The following CDH4 variants were observed in gnomAD, a reference collection of about 807,000 sequenced individuals.
CDH4 encodes cadherin-4.
In CDH4, 33 loss-of-function variants were observed where a neutral mutation model predicts 86.0. That is an observed-to-expected ratio of 0.38 (90% CI 0.29 to 0.51). The LOEUF (loss-of-function observed/expected upper bound fraction) is 0.51, where lower values mean the gene tolerates loss of function less well. CDH4 is among the 20% of genes least tolerant of loss of function. The pLI, the probability that CDH4 is intolerant of heterozygous loss-of-function variation, is 0.86. For synonymous variants in CDH4, 555 were observed against 549.4 expected (o/e 1.01, Z -0.14); for missense variants, 1,114 against 1,307.4 (o/e 0.85, Z 2.28).
At chr20:61,425,432 C>CCA (rs1210603827) in intron 2 of CDH4, among the ~76,000 whole-genome samples, 7 of 152,128 alleles carry the variant, frequency 4.6e-5, no homozygotes, top group African/African-American at 1.7e-4. Flanking sequence ...CTGGGACTGG[C>CCA]TCCTGTCTGA....
intron 2 of CDH4, chr20:61,718,518 C>T (rs1048259393): frequency 2.2e-5 from 7 of 322,176 alleles, no homozygotes; most frequent in Non-Finnish European, 4.3e-5. Flanking sequence ...TCCCATATCC[C>T]AGGCCGTGCT....
intron 2 of CDH4, among the ~76,000 whole-genome samples, chr20:61,618,303 C>A (rs2086742289): frequency 6.6e-6 from 1 of 152,088 alleles, no homozygotes; most frequent in African/African-American, 2.4e-5. Flanking sequence ...GGAGTCTGGC[C>A]TCCCATCCCA....
chr20:61,432,833 A>ATTTT (rs36067606), intron 2 of CDH4, among the ~76,000 whole-genome samples: 1,997 of 101,644 alleles, frequency 0.02, 39 homozygotes, highest in Non-Finnish European at 0.032. Flanking sequence ...TAAATCCATG[A>ATTTT]TTTTTTTTTT....
intron 2 of CDH4, among the ~76,000 whole-genome samples, chr20:61,335,952 A>G (rs1400471211): frequency 1.3e-5 from 2 of 152,094 alleles, no homozygotes; most frequent in Non-Finnish European, 2.9e-5. Flanking sequence ...GTGGTTTTTT[A>G]ATGATGAAAG....
chr20:61,300,429 G>T (rs531588637), intron 2 of CDH4, among the ~76,000 whole-genome samples: 1 of 152,246 alleles, frequency 6.6e-6, no homozygotes, highest in South Asian at 2.1e-4. Context: ...CCGGCACAGG[G>T]CACTCTCTGC....
chr20:61,905,995 A>G (rs1259393248), intron 8 of CDH4, among the ~76,000 whole-genome samples: 1 of 152,094 alleles, frequency 6.6e-6, no homozygotes, highest in Non-Finnish European at 1.5e-5. Context: ...TGCTTCCTCC[A>G]GCCGGCTTTG....
At chr20:61,334,139 C>A (rs964575405) in intron 2 of CDH4, among the ~76,000 whole-genome samples, 1 of 152,198 alleles carries the variant, frequency 6.6e-6, no homozygotes, top group Non-Finnish European at 1.5e-5. Flanking sequence ...TGGGCCACCC[C>A]CTCTGAGGGC....
intron 2 of CDH4, among the ~76,000 whole-genome samples, chr20:61,404,987 T>A (rs1207300245): frequency 6.6e-6 from 1 of 152,092 alleles, no homozygotes; most frequent in African/African-American, 2.4e-5. Context: ...GAGGCGGAGG[T>A]TGCAGTGAGC....
At chr20:61,924,213 C>T in intron 10 of CDH4, 121 bp from the exon 11 acceptor site, 2 of 1,015,378 alleles carry the variant, frequency 2.0e-6, no homozygotes, top group East Asian at 2.5e-5. Flanking sequence ...TGGGGGGCTC[C>T]AAGGAGACAG....
chr20:61,766,297 G>T (rs1261664006), intron 3 of CDH4, among the ~76,000 whole-genome samples: 1 of 152,054 alleles, frequency 6.6e-6, no homozygotes, highest in African/African-American at 2.4e-5. Context: ...GGAATATAAG[G>T]GTTGTGGGAC....
At chr20:61,748,803 T>A (rs1023539721) in intron 3 of CDH4, among the ~76,000 whole-genome samples, 1 of 151,652 alleles carries the variant, frequency 6.6e-6, no homozygotes, top group Non-Finnish European at 1.5e-5. Flanking sequence ...AGAAAATCAC[T>A]AAAAGAGTCA....
At chr20:61,918,908 T>C (rs1054311354) in intron 9 of CDH4, among the ~76,000 whole-genome samples, 2 of 152,220 alleles carry the variant, frequency 1.3e-5, no homozygotes, top group African/African-American at 2.4e-5. Context: ...TCTTACTCTG[T>C]TGCCCAGGCT....
chr20:61,330,018 T>G (rs1202149701), intron 2 of CDH4, among the ~76,000 whole-genome samples: 1 of 152,184 alleles, frequency 6.6e-6, no homozygotes, highest in Non-Finnish European at 1.5e-5. Flanking sequence ...GACATGATCT[T>G]GTTCCTTTTT....
chr20:61,694,638 A>C lies in CDH4; in HGVS notation c.170-48925A>C, dbSNP rs189143258. ...CTGGGGTTCTGGGATAGAAGTAAAA[A>C]CTCCTAAAAACAGGCACCTCCAGGA... On this transcript the variant is annotated intron_variant, in intron 2 of 15. Coordinates refer to ENST00000614565, the MANE Select transcript of CDH4 (RefSeq NM_001794.5). 1.0e-3 allele frequency among the ~76,000 whole-genome samples: 152 copies of C among 151,748 alleles called. 1 individual carries two copies. Among genetic ancestry groups the C allele is most frequent in the African/African-American group, 3.6e-3 (149 of 41,320 alleles).
chr20:61,812,013 G>A (rs1408543503), intron 4 of CDH4, among the ~76,000 whole-genome samples: 1 of 152,026 alleles, frequency 6.6e-6, no homozygotes, highest in Admixed American at 6.5e-5. Context: ...TTGGGTTTGA[G>A]GCCCTGTGTG....
intron 2 of CDH4, among the ~76,000 whole-genome samples, chr20:61,469,351 A>T (rs1389602565): frequency 1.3e-5 from 2 of 152,208 alleles, no homozygotes; most frequent in Non-Finnish European, 2.9e-5. Context: ...TGCCATTTGT[A>T]CATCATCTTT....
intron 2 of CDH4, among the ~76,000 whole-genome samples, chr20:61,724,546 T>C (rs1382302083): frequency 6.6e-6 from 1 of 152,156 alleles, no homozygotes; most frequent in South Asian, 2.1e-4. Context: ...CAAAGGCCCT[T>C]CCAGACAGAA....
intron 2 of CDH4, among the ~76,000 whole-genome samples, chr20:61,702,976 C>T (rs949134376): frequency 1.3e-5 from 2 of 152,144 alleles, no homozygotes; most frequent in Non-Finnish European, 2.9e-5. Context: ...TGCGTGCGGC[C>T]CTGAGGGTGT....
chr20:61,779,769 G>A (rs1372722354), intron 4 of CDH4, among the ~76,000 whole-genome samples: 2 of 152,228 alleles, frequency 1.3e-5, no homozygotes, highest in African/African-American at 2.4e-5. Flanking sequence ...GTGATGCCCC[G>A]AGCTGGGTCT....
Sources: allele counts gnomAD v4.1 joint callset (sites outside exome capture counted in the v4.1 genomes callset), GRCh38; gene constraint gnomAD v4.1.1; transcripts MANE v1.5; gene names NCBI Gene and HGNC (gene_info 2026-07-23, HGNC 2026-07-21).